ARSF: variants seen among roughly 807,000 people sequenced by gnomAD.
ARSF encodes arylsulfatase F.
In ARSF, 33 loss-of-function variants were observed where a neutral mutation model predicts 35.4. The observed-to-expected ratio is 0.93, with a 90% CI of 0.71 to 1.25. The LOEUF is 1.25. Among genes scored for constraint, ARSF ranks in the 50% most tolerant of loss-of-function variants. ARSF has a pLI of 0.00. For missense variants in ARSF, 501 were observed against 480.2 expected (o/e 1.04, Z -0.40); for synonymous variants, 222 against 193.1 (o/e 1.15, Z -1.24).
At chrX:3,048,999 A>G (rs1457763068) in intron 1 of ARSF, among the ~76,000 whole-genome samples, 1 of 112,273 alleles carries the variant, frequency 8.9e-6, no homozygotes, top group African/African-American at 3.2e-5. Flanking sequence ...GGTCTTACAG[A>G]TGCTACCAAA....
chrX:3,085,362 T>G (rs1284627103), intron 6 of ARSF, among the ~76,000 whole-genome samples: 1 of 106,444 alleles, frequency 9.4e-6, no homozygotes, highest in Non-Finnish European at 1.9e-5. Context: ...TATAGATAAA[T>G]ATATATATAT....
chrX:3,057,945 C>T lies in ARSF; in HGVS notation c.-28-10128C>T, dbSNP rs181559261. 4.8e-3 allele frequency among the ~76,000 whole-genome samples: 536 copies of T among 111,830 alleles called. 5 individuals are homozygous for T. Among genetic ancestry groups the T allele is most frequent in the African/African-American group, 0.017 (513 of 30,756 alleles). ...GAAGTCAGACACATGCACCTTACCC[C>T]GACAACCACTCAATGGACAGCAGAA... On this transcript the variant is annotated intron_variant, in intron 1 of 10. Coordinates refer to ENST00000381127, the MANE Select transcript of ARSF (RefSeq NM_001201539.2).
At chrX:3,102,683 G>T (rs2090385399) in intron 8 of ARSF, among the ~76,000 whole-genome samples, 1 of 112,056 alleles carries the variant, frequency 8.9e-6, no homozygotes, top group African/African-American at 3.2e-5. Context: ...GGGAGGCTGA[G>T]GCAGGCGGAT....
intron 7 of ARSF, among the ~76,000 whole-genome samples, chrX:3,095,335 T>A (rs1218850161): frequency 9.2e-6 from 1 of 108,946 alleles, no homozygotes; most frequent in Non-Finnish European, 1.9e-5. Context: ...AGCACATAGA[T>A]GACATATGAT....
chrX:3,073,206 C>A (rs2090118914), intron 3 of ARSF, among the ~76,000 whole-genome samples: 1 of 90,896 alleles, frequency 1.1e-5, no homozygotes, highest in African/African-American at 3.9e-5. Context: ...TATATATTAT[C>A]AATATATATT....
chrX:3,067,123 A>G (rs1338466311), intron 1 of ARSF, among the ~76,000 whole-genome samples: 1 of 104,005 alleles, frequency 9.6e-6, no homozygotes, highest in Admixed American at 1.0e-4. Flanking sequence ...TTCTTTCTTA[A>G]CCAAGAACGT....
intron 1 of ARSF, among the ~76,000 whole-genome samples, chrX:3,051,399 G>A (rs928657018): frequency 8.9e-6 from 1 of 111,937 alleles, no homozygotes; most frequent in Non-Finnish European, 1.9e-5. Flanking sequence ...AGTTTACAGA[G>A]TTTGACCCTT....
intron 1 of ARSF, among the ~76,000 whole-genome samples, chrX:3,061,281 C>T (rs2090040487): frequency 1.8e-5 from 2 of 111,271 alleles, no homozygotes; most frequent in South Asian, 7.7e-4. Context: ...CAGGCCTGCC[C>T]TACGAGAGCT....
intron 2 of ARSF, among the ~76,000 whole-genome samples, chrX:3,071,136 C>T (rs2090101051): frequency 9.0e-6 from 1 of 111,311 alleles, no homozygotes; most frequent in African/African-American, 3.3e-5. Context: ...CAAAGAAATG[C>T]GCTCTTGGCT....
At chrX:3,078,188 T>A (rs1385692108) in intron 4 of ARSF, among the ~76,000 whole-genome samples, 1 of 110,816 alleles carries the variant, frequency 9.0e-6, no homozygotes, top group Non-Finnish European at 1.9e-5. Flanking sequence ...CATTACTTTT[T>A]AATTTATTAC....
intron 9 of ARSF, among the ~76,000 whole-genome samples, chrX:3,107,360 A>G (rs1348693976): frequency 1.8e-5 from 2 of 111,391 alleles, no homozygotes; most frequent in Non-Finnish European, 1.9e-5. Flanking sequence ...TAAACATGTG[A>G]CCTCAGTCCA....
At chrX:3,090,703 A>G (rs975669991) in intron 7 of ARSF, among the ~76,000 whole-genome samples, 33 of 112,047 alleles carry the variant, frequency 2.9e-4, no homozygotes, top group Admixed American at 4.7e-4. Flanking sequence ...TTGGTTTTCT[A>G]TGTCTGCATT....
intron 1 of ARSF, among the ~76,000 whole-genome samples, chrX:3,060,145 T>A (rs893455437): frequency 7.1e-5 from 8 of 112,177 alleles, no homozygotes; most frequent in Admixed American, 1.9e-4. Context: ...TTCTGCAGCC[T>A]CCACTGGTGA....
intron 1 of ARSF, among the ~76,000 whole-genome samples, chrX:3,064,853 C>T (rs912355366): frequency 3.6e-5 from 4 of 111,433 alleles, no homozygotes; most frequent in Non-Finnish European, 7.5e-5. Flanking sequence ...ACACTGTTGG[C>T]GGGAGTGTAA....
intron 6 of ARSF, among the ~76,000 whole-genome samples, chrX:3,087,071 G>T (rs1167547766): frequency 9.0e-6 from 1 of 110,941 alleles, no homozygotes; most frequent in African/African-American, 3.3e-5. Context: ...TCTTATAAAA[G>T]GACATTTCTG....
chrX:3,068,191 G>A, intron 2 of ARSF, 80 bp downstream of exon 2: 7 of 960,690 alleles, frequency 7.3e-6, no homozygotes, highest in Non-Finnish European at 9.9e-6. Flanking sequence ...CAGCCTTATA[G>A]GTAGAGGCAT....
chrX:3,077,220 C>G (rs2090159358), intron 4 of ARSF, among the ~76,000 whole-genome samples: 1 of 112,447 alleles, frequency 8.9e-6, no homozygotes, highest in Admixed American at 9.4e-5. Flanking sequence ...AATTCCAAGT[C>G]ACAAGGTGTA....
Position 3,087,167 on chromosome X carries a change from C to G in ARSF, c.831-2329C>G, listed in dbSNP as rs371390060. Among the ~76,000 whole-genome samples, 54 of 112,043 alleles carry G rather than the reference C, an allele frequency of 4.8e-4. No individual in the cohort carries two copies. In the South Asian group the frequency reaches 0.019, roughly 39 times the overall value. On this transcript the variant is annotated intron_variant, in intron 6 of 10. Transcript: ENST00000381127. ...ATTCCCATCTGCAAAAACCTTTTAC[C>G]ATGTAATATCACATGTTCACAGGTT... is the stretch of plus-strand genomic sequence containing the variant.
At chrX:3,072,213 C>G in intron 3 of ARSF, 38 bp downstream of exon 3, 1 of 1,186,228 alleles carries the variant, frequency 8.4e-7, no homozygotes, top group Non-Finnish European at 1.1e-6. Context: ...GTTCGTCAGT[C>G]GTTCAGGTTC....
Sources: allele counts gnomAD v4.1 joint callset (sites outside exome capture counted in the v4.1 genomes callset), GRCh38; gene constraint gnomAD v4.1.1; transcripts MANE v1.5; gene names NCBI Gene and HGNC (gene_info 2026-07-23, HGNC 2026-07-21).